Variants in RCOR1 observed in about 807,000 individuals in gnomAD.
RCOR1 encodes the protein REST corepressor 1.
RCOR1 carries 12 observed loss-of-function variants against 64.0 expected under a neutral mutation model. The ratio of observed to expected loss-of-function variants is 0.19; its 90% CI spans 0.12 to 0.30. The LOEUF is 0.30. Ranked by LOEUF, RCOR1 falls within the 10% of genes least tolerant of loss-of-function variation. RCOR1 has a pLI of 1.00. For synonymous variants in RCOR1, 279 were observed against 227.2 expected (o/e 1.23, Z -2.05); for missense variants, 502 against 621.2 (o/e 0.81, Z 2.04).
At chr14:102,634,650 A>G (rs944706717) in intron 2 of RCOR1, among the ~76,000 whole-genome samples, 3 of 142,964 alleles carry the variant, frequency 2.1e-5, no homozygotes, top group Admixed American at 6.9e-5. Context: ...ATATATATAT[A>G]TGTATATATA....
In RCOR1 at chr14:102,593,134, G is replaced by C. The variant is rs1691191806; in HGVS notation, c.248G>C (p.Ser83Thr). The C allele has an allele frequency of 6.6e-7, 1 of 1,525,592 alleles. No homozygotes were observed. The highest frequency in any genetic ancestry group is 8.8e-7 in the Non-Finnish European group (1 of 1,141,966). The allele number at this position is 1,525,592 out of a possible 1,614,324, so 94.5% of individuals were successfully genotyped here. The change falls in exon 1 of 12, where the codon AGC (serine) becomes ACC (threonine). Residue 83 changes from serine (S) to threonine (T), a missense_variant. Ser to Thr is a moderately conservative substitution (Grantham distance 58). This residue lies in a region of RCOR1 where 242 missense variants were observed against 204.9 expected (regional missense o/e 1.18). Coordinates refer to ENST00000262241, the MANE Select transcript of RCOR1 (RefSeq NM_015156.4). ...LAAAAPNGNS[S>T]SNSWEEGSSG... ...GCGGCGGCGCCCAATGGCAACAGCA[G>C]CAGCAACTCCTGGGAGGAAGGCAGC...
intron 2 of RCOR1, among the ~76,000 whole-genome samples, chr14:102,617,520 A>G (rs966124771): frequency 2.0e-5 from 3 of 151,644 alleles, no homozygotes; most frequent in Non-Finnish European, 4.4e-5. Context: ...TTGAGCTTGC[A>G]GTACACTGAT....
chr14:102,639,268 T>C (rs1369382106), intron 2 of RCOR1, among the ~76,000 whole-genome samples: 31 of 146,182 alleles, frequency 2.1e-4, no homozygotes, highest in African/African-American at 3.0e-4. Context: ...TTCTTTCTTT[T>C]TTTTTTTTTT....
At chr14:102,619,855 G>A (rs1893837587) in intron 2 of RCOR1, among the ~76,000 whole-genome samples, 2 of 152,130 alleles carry the variant, frequency 1.3e-5, no homozygotes, top group Admixed American at 6.6e-5. Flanking sequence ...TCTTGATGTA[G>A]CTTGTTACTT....
At chr14:102,706,142 A>AC (rs1895853960) in intron 4 of RCOR1, among the ~76,000 whole-genome samples, 1 of 138,534 alleles carries the variant, frequency 7.2e-6, no homozygotes, top group Non-Finnish European at 1.6e-5. Context: ...AAAAAAAAAA[A>AC]CCTAAAAAAA....
rs1238646102 is a variant in RCOR1, at chr14:102,681,899, A to C, written c.366A>C (p.Lys122Asn). The C allele has an allele frequency of 6.2e-7, 1 of 1,612,898 alleles. No individual in the cohort carries two copies. The highest frequency in any genetic ancestry group is 1.3e-5 in the African/African-American group (1 of 75,046). The stretch of plus-strand genomic sequence containing the variant: ...TTCTTTTTTCTTTCTCCCAAGCCAA[A>C]CTGGCAAGACGCAGTCAAGAACGGG... ...QAVVPDFDPA[K>N]LARRSQERDN... Residue 122 changes from lysine to asparagine, a missense_variant, in exon 3 of 12, where the codon AAA (lysine) becomes AAC (asparagine). By Grantham distance (94) the Lys-to-Asn change is moderately conservative. Coordinates refer to ENST00000262241, the MANE Select transcript of RCOR1 (RefSeq NM_015156.4).
In RCOR1 at chr14:102,593,029, G is replaced by GCCGCCGCCTCGGC; in HGVS notation, c.144_145insCGCCGCCTCGGCC (p.Ala49ArgfsTer23). 1 of 1,262,892 alleles carries GCCGCCGCCTCGGC rather than the reference G, an allele frequency of 7.9e-7. No individual in the cohort carries two copies. The highest frequency in any genetic ancestry group is 1.0e-6 in the Non-Finnish European group (1 of 996,810). 78.2% of individuals were successfully genotyped at this position (1,262,892 alleles called of 1,614,324 possible). A position where few individuals can be genotyped will look rare whatever the true frequency, so the allele number is the denominator to read the frequency against. On this transcript the variant is annotated frameshift_variant, in exon 1 of 12. Coordinates refer to ENST00000262241, the MANE Select transcript of RCOR1 (RefSeq NM_015156.4). LOFTEE classifies it high-confidence loss of function. ...TCGCCAGCCGCCACTGCCGCCTCGG[G>GCCGCCGCCTCGGC]CGCCGCCGCCTCCTCAGCCTCGGCC...
At chr14:102,652,903 G>A (rs933445880) in intron 2 of RCOR1, among the ~76,000 whole-genome samples, 2 of 152,038 alleles carry the variant, frequency 1.3e-5, no homozygotes, top group African/African-American at 4.8e-5. Context: ...GAATTTTATA[G>A]TGTTACTCTT....
intron 2 of RCOR1, among the ~76,000 whole-genome samples, chr14:102,674,134 A>G (rs1375638072): frequency 6.6e-6 from 1 of 152,194 alleles, no homozygotes; most frequent in African/African-American, 2.4e-5. Context: ...CAGGCCTATA[A>G]GAAGGAGTTA....
intron 2 of RCOR1, 147 bp downstream of exon 2, chr14:102,593,472 G>A: frequency 3.4e-6 from 3 of 890,772 alleles, no homozygotes; most frequent in Non-Finnish European, 4.7e-6. Context: ...GCGAGGACGA[G>A]GAGGCGCACA....
chr14:102,651,694 C>G (rs1401040401), intron 2 of RCOR1, among the ~76,000 whole-genome samples: 2 of 152,104 alleles, frequency 1.3e-5, no homozygotes, highest in Non-Finnish European at 2.9e-5. Flanking sequence ...AGCACACTTG[C>G]AAAATAAATG....
intron 3 of RCOR1, among the ~76,000 whole-genome samples, chr14:102,694,860 A>AT (rs1895612561): frequency 6.6e-6 from 1 of 152,222 alleles, no homozygotes; most frequent in Non-Finnish European, 1.5e-5. Context: ...TTTAAAGAGA[A>AT]TTTTTGCATG....
intron 3 of RCOR1, among the ~76,000 whole-genome samples, chr14:102,686,633 CG>C: frequency 6.6e-6 from 1 of 152,182 alleles, no homozygotes; most frequent in Non-Finnish European, 1.5e-5. Context: ...AACTGTTGAT[CG>C]TTTTACTGTT....
Position 102,592,948 on chromosome 14 carries a change from C to T in RCOR1, c.62C>T (p.Ala21Val), listed in dbSNP as rs1893158508. The change falls in exon 1 of 12, where the codon GCG (alanine) becomes GTG (valine). Residue 21 changes from alanine (A) to valine (V), a missense_variant. This residue lies in a region of RCOR1 where 242 missense variants were observed against 204.9 expected (regional missense o/e 1.18). Transcript: ENST00000262241. The stretch of plus-strand genomic sequence containing the variant: ...GGGAAGCGGAGAGGGAGGAACAACG[C>T]GGCCGCCTCCGCCTCCGCCGCCGCC... ...VSGKRRGRNN[A>V]AASASAAAAS... 8.3e-7 allele frequency: 1 copy of T among 1,202,368 alleles called. No homozygotes were observed. The highest frequency in any genetic ancestry group is 1.0e-6 in the Non-Finnish European group (1 of 963,604). 74.5% of individuals were successfully genotyped at this position (1,202,368 alleles called of 1,614,324 possible). A position where few individuals can be genotyped will look rare whatever the true frequency, so the allele number is the denominator to read the frequency against.
intron 3 of RCOR1, among the ~76,000 whole-genome samples, chr14:102,690,312 T>C (rs1195538053): frequency 6.6e-6 from 1 of 152,208 alleles, no homozygotes; most frequent in Admixed American, 6.5e-5. Flanking sequence ...AACTTTCATG[T>C]AGATACATAG....
At chr14:102,634,091 G>A (rs1280237267) in intron 2 of RCOR1, among the ~76,000 whole-genome samples, 1 of 152,080 alleles carries the variant, frequency 6.6e-6, no homozygotes, top group Non-Finnish European at 1.5e-5. Context: ...TTGGAAAAAG[G>A]ATGTGGTTAG....
intron 2 of RCOR1, among the ~76,000 whole-genome samples, chr14:102,665,084 C>T (rs1894891894): frequency 6.6e-6 from 1 of 152,120 alleles, no homozygotes. Context: ...AATCTCACTG[C>T]AACCTCTGCC....
At chr14:102,724,308 T>G (rs548064356) in intron 11 of RCOR1, among the ~76,000 whole-genome samples, 1 of 152,220 alleles carries the variant, frequency 6.6e-6, no homozygotes, top group South Asian at 2.1e-4. Context: ...TCATTTAAAA[T>G]GTACCCCCTC....
intron 2 of RCOR1, among the ~76,000 whole-genome samples, chr14:102,606,502 A>G (rs1315434297): frequency 1.3e-5 from 2 of 152,138 alleles, no homozygotes; most frequent in Non-Finnish European, 2.9e-5. Context: ...AGAGAAGAGT[A>G]GGTGCTTAAC....
Sources: allele counts gnomAD v4.1 joint callset (sites outside exome capture counted in the v4.1 genomes callset), GRCh38; gene constraint gnomAD v4.1.1; regional missense constraint gnomAD v4.1.1; transcripts MANE v1.5; gene names NCBI Gene and HGNC (gene_info 2026-07-23, HGNC 2026-07-21).